Variants in MZT2A observed in about 807,000 individuals in gnomAD.
MZT2A encodes the protein mitotic-spindle organizing protein 2A.
In MZT2A, 8 loss-of-function variants were observed where a neutral mutation model predicts 12.4. The observed-to-expected ratio is 0.64, with a 90% CI of 0.38 to 1.16. The LOEUF is 1.16. MZT2A is among the 50% of genes most tolerant of loss of function. The pLI is 0.01. For missense variants in MZT2A, 181 were observed against 223.6 expected, an observed-to-expected ratio of 0.81 and a Z score of 1.22; for synonymous variants, 88 against 107.5, an observed-to-expected ratio of 0.82 and a Z score of 1.12.
At chr2:131,492,772 G>T, upstream of MZT2A, 2 of 1,280,602 alleles carry the variant, frequency 1.6e-6, no homozygotes, top group South Asian at 2.7e-5. Flanking sequence ...ACCACTAGGG[G>T]TCGCTCTTCG....
downstream of MZT2A, chr2:131,480,491 C>T (rs144693747): frequency 6.4e-5 from 102 of 1,590,582 alleles, 10 homozygotes; most frequent in Non-Finnish European, 8.2e-5. Context: ...CCCGCATCCA[C>T]TTCCCCCTGG....
At chr2:131,484,272 C>T in intron 2 of MZT2A, 54 bp from the exon 3 acceptor site, 11 of 1,593,840 alleles carry the variant, frequency 6.9e-6, no homozygotes, top group African/African-American at 2.7e-5. Flanking sequence ...ATAAATGCAG[C>T]ACCTGCTGTA....
At chr2:131,479,961 T>C (rs1211027735), downstream of MZT2A, 22 of 1,400,118 alleles carry the variant, frequency 1.6e-5, no homozygotes, top group East Asian at 4.7e-4. Flanking sequence ...TATGGATGAT[T>C]TGAATCCATA....
At chr2:131,493,743 G>C (rs1256153778), upstream of MZT2A, among the ~76,000 whole-genome samples, 2 of 152,178 alleles carry the variant, frequency 1.3e-5, no homozygotes, top group Non-Finnish European at 2.9e-5. Flanking sequence ...GGAGAGTCGC[G>C]ACGAAGTGGA....
chr2:131,493,129 T>C, upstream of MZT2A: 2 of 1,482,594 alleles, frequency 1.3e-6, no homozygotes, highest in Admixed American at 4.9e-5. Context: ...GGCGACGCTA[T>C]GGGTCCCACA....
At chr2:131,483,701 C>T (rs1207377315), downstream of MZT2A, among the ~76,000 whole-genome samples, 1 of 151,354 alleles carries the variant, frequency 6.6e-6, no homozygotes, top group Admixed American at 6.6e-5. Context: ...GGTAACAGAG[C>T]AAGACTCCGT....
chr2:131,471,763 G>A (rs368585204), intron 3 of MZT2A, among the ~76,000 whole-genome samples: 14,635 of 149,884 alleles, frequency 0.098, 1,590 homozygotes, highest in African/African-American at 0.28. Context: ...TGGGGGAGTT[G>A]CTGCTTACTC....
At chr2:131,487,108 T>G (rs1315759185) in intron 2 of MZT2A, among the ~76,000 whole-genome samples, 4 of 151,960 alleles carry the variant, frequency 2.6e-5, no homozygotes. Flanking sequence ...GAGGGCAGGG[T>G]GACTGATGCC....
intron 2 of MZT2A, among the ~76,000 whole-genome samples, chr2:131,475,892 A>G (rs966777232): frequency 1.3e-5 from 2 of 152,116 alleles, no homozygotes; most frequent in Non-Finnish European, 1.5e-5. Context: ...AGCTGTTCCA[A>G]CCCTGGTCAG....
At chr2:131,476,212 G>C in intron 2 of MZT2A, 1 of 1,613,716 alleles carries the variant, frequency 6.2e-7, no homozygotes, top group Non-Finnish European at 8.5e-7. Flanking sequence ...GGTAAGGCCC[G>C]GGTCACTCCC....
rs1678963556 is a variant in MZT2A, at chr2:131,484,229, A to C, written c.320-11T>G. On this transcript the variant is annotated splice_polypyrimidine_tract_variant and intron_variant, in intron 2 of 2. Transcript: ENST00000309451. ...TGCCTTTGTCTCTCCCTAAGGAGAC[A>C]CAAAGCACAATGATTAGGAATGGAC... is the stretch of plus-strand genomic sequence containing the variant. The C allele has an allele frequency of 6.2e-7, 1 of 1,612,748 alleles. No individual in the cohort carries two copies. Among genetic ancestry groups the C allele is most frequent in the East Asian group, 2.2e-5 (1 of 44,826 alleles).
rs1174934029 is a variant in MZT2A at position 131,476,957 on chromosome 2, A to G, written c.279-4775T>C. Among the ~76,000 whole-genome samples the G allele has an allele frequency of 2.1e-5, 3 of 144,442 alleles. No individual in the cohort carries two copies. In the East Asian group the frequency reaches 5.8e-4, roughly 28 times the overall value. The allele number at this position is 144,442 out of a possible 152,430, so 94.8% of individuals were successfully genotyped here. ...AAGACACAAACAAAAAAAGCAGCCC[A>G]TTAACATAACAGATTCCCAAGTCCC... On this transcript the variant is annotated intron_variant and NMD_transcript_variant, in intron 2 of 4. Coordinates refer to the MZT2A transcript ENST00000427024.
intron 2 of MZT2A, among the ~76,000 whole-genome samples, chr2:131,485,678 C>T (rs1312518685): frequency 6.6e-6 from 1 of 152,164 alleles, no homozygotes; most frequent in Non-Finnish European, 1.5e-5. Context: ...TGACTCCAGA[C>T]AAGGGTTCAG....
chr2:131,484,330 C>A, intron 2 of MZT2A, 112 bp from the exon 3 acceptor site: 4 of 1,496,392 alleles, frequency 2.7e-6, no homozygotes, highest in Non-Finnish European at 3.6e-6. Context: ...CCATCAAAGT[C>A]GCTTCAGCTA....
intron 2 of MZT2A, among the ~76,000 whole-genome samples, chr2:131,487,467 G>C (rs1398559028): frequency 6.6e-6 from 1 of 152,194 alleles, no homozygotes. Context: ...GACAGAGCAA[G>C]ACTGTCTCAA....
chr2:131,487,272 G>A (rs1373394002), intron 2 of MZT2A, among the ~76,000 whole-genome samples: 3 of 152,112 alleles, frequency 2.0e-5, no homozygotes, highest in African/African-American at 4.8e-5. Flanking sequence ...TTGAGGCCAG[G>A]AGCTAGAGAC....
At chr2:131,473,546 C>T (rs1362852009) in intron 2 of MZT2A, among the ~76,000 whole-genome samples, 1 of 150,958 alleles carries the variant, frequency 6.6e-6, no homozygotes, top group Non-Finnish European at 1.5e-5. Context: ...TGGGGGTAAG[C>T]CAGCATGTCT....
intron 2 of MZT2A, chr2:131,489,793 G>C: frequency 6.8e-6 from 6 of 883,638 alleles, no homozygotes; most frequent in Non-Finnish European, 6.8e-6. Context: ...GATTACAGGT[G>C]TGAGCCAGCA....
chr2:131,490,145 ACCCCTGGGCTCTCACAGG>A (rs1220473619), intron 2 of MZT2A: 1 of 682,318 alleles, frequency 1.5e-6, no homozygotes, highest in African/African-American at 2.0e-5. Context: ...GCGACCAAAG[ACCCCTGGGCTCTCACAGG>A]CCCCTGATCA....
Sources: allele counts gnomAD v4.1 joint callset (sites outside exome capture counted in the v4.1 genomes callset), GRCh38; gene constraint gnomAD v4.1.1; transcripts MANE v1.5; gene names NCBI Gene and HGNC (gene_info 2026-07-23, HGNC 2026-07-21).